DOCK3: variants seen among roughly 807,000 people sequenced by gnomAD.
DOCK3 encodes dedicator of cytokinesis 3.
DOCK3 carries 60 observed loss-of-function variants against 265.6 expected under a neutral mutation model. The ratio of observed to expected loss-of-function variants is 0.23; its 90% confidence interval spans 0.18 to 0.28. The LOEUF (loss-of-function observed/expected upper bound fraction) is 0.28. DOCK3 is among the 10% of genes least tolerant of loss of function. The pLI is 1.00. For missense variants in DOCK3, 1,981 were observed against 2,594.3 expected, an observed-to-expected ratio of 0.76 and a Z score of 5.14; for synonymous variants, 881 against 938.0, an observed-to-expected ratio of 0.94 and a Z score of 1.11.
chr3:51,224,360 A>G (rs1157662331), intron 14 of DOCK3, among the ~76,000 whole-genome samples: 1 of 152,196 alleles, frequency 6.6e-6, no homozygotes, highest in Non-Finnish European at 1.5e-5. Context: ...AAATCCTCAA[A>G]TATGTGCCAG....
Position 51,374,421 on chromosome 3 carries a change from C to T in DOCK3, c.5294-48C>T, listed in dbSNP as rs1220889191. The T allele has an allele frequency of 1.3e-6, 2 of 1,560,338 alleles. No individual in the cohort carries two copies. Among genetic ancestry groups the T allele is most frequent in the South Asian group, 1.2e-5 (1 of 86,172 alleles). Reference sequence around the variant, plus strand: ...TGAGGATGCTTGACTGCTGGACCCTCCATCTGTGGCTTGTCATCTGTGCTT... The same window carrying T: ...TGAGGATGCTTGACTGCTGGACCCTTCATCTGTGGCTTGTCATCTGTGCTT... On this transcript the variant is annotated intron_variant, in intron 49 of 52. Coordinates refer to ENST00000266037, the MANE Select transcript of DOCK3 (RefSeq NM_004947.5). The surrounding 1 kb of genome is among the most constrained non-coding windows in gnomAD (Gnocchi z 4.8).
intron 2 of DOCK3, chr3:50,788,108 G>A: frequency 1.3e-6 from 1 of 754,576 alleles, no homozygotes; most frequent in Non-Finnish European, 2.1e-6. Flanking sequence ...CACAAACACA[G>A]AATAAGGACT....
intron 27 of DOCK3, among the ~76,000 whole-genome samples, chr3:51,290,538 G>C (rs1353472616): frequency 1.3e-5 from 2 of 152,072 alleles, no homozygotes; most frequent in African/African-American, 4.8e-5. Flanking sequence ...CCTGTTGTGG[G>C]GTTGGGGGAG....
intron 12 of DOCK3, among the ~76,000 whole-genome samples, chr3:51,177,734 T>G (rs1289753696): frequency 6.6e-6 from 1 of 152,174 alleles, no homozygotes; most frequent in Non-Finnish European, 1.5e-5. Context: ...CTCACATCTG[T>G]AATCCCAGAA....
intron 5 of DOCK3, among the ~76,000 whole-genome samples, chr3:51,059,290 C>A (rs1460735855): frequency 6.6e-6 from 1 of 152,260 alleles, no homozygotes; most frequent in African/African-American, 2.4e-5. Context: ...CTAATTATCT[C>A]CCAAACAGTT....
intron 10 of DOCK3, among the ~76,000 whole-genome samples, chr3:51,151,786 T>C (rs909621904): frequency 8.5e-5 from 13 of 152,186 alleles, no homozygotes; most frequent in Non-Finnish European, 1.5e-4. Context: ...AAATTCTGGG[T>C]TGAAAATTCG....
chr3:50,716,025 T>G (rs1374970737), intron 1 of DOCK3, among the ~76,000 whole-genome samples: 1 of 152,130 alleles, frequency 6.6e-6, no homozygotes, highest in Non-Finnish European at 1.5e-5. Context: ...GCAAGATCAT[T>G]ATTCTTTGAA....
chr3:50,783,518 A>G (rs1472321807), intron 2 of DOCK3, among the ~76,000 whole-genome samples: 3 of 152,076 alleles, frequency 2.0e-5, no homozygotes, highest in Non-Finnish European at 4.4e-5. Context: ...TTGTGTATTC[A>G]TGTCCTTAGC....
intron 9 of DOCK3, among the ~76,000 whole-genome samples, chr3:51,145,316 T>C (rs1368355100): frequency 6.6e-6 from 1 of 152,130 alleles, no homozygotes; most frequent in African/African-American, 2.4e-5. Flanking sequence ...GCCATGTTGG[T>C]GTGCTGCACC....
chr3:51,376,916 C>T (rs550307004), intron 51 of DOCK3, among the ~76,000 whole-genome samples: 3 of 152,346 alleles, frequency 2.0e-5, no homozygotes, highest in Non-Finnish European at 4.4e-5. Flanking sequence ...GCTTCAAGGT[C>T]GTATATCCCG....
Position 50,675,082 on chromosome 3 carries a change from G to A in DOCK3, c.-182G>A, listed in dbSNP as rs922545786. The A allele has an allele frequency of 3.3e-5, 8 of 239,618 alleles. No individual in the cohort carries two copies. Among genetic ancestry groups the A allele is most frequent in the African/African-American group, 4.7e-5 (2 of 42,752 alleles). The allele number at this position is 239,618 out of a possible 1,614,324, so 14.8% of individuals were successfully genotyped here. Reference sequence around the variant, plus strand: ...GCTGGGCCACCCGCGGAGCCTCGCGGTCCAGACGTGGCGGGGGTGGCGGCG... The same window carrying A: ...GCTGGGCCACCCGCGGAGCCTCGCGATCCAGACGTGGCGGGGGTGGCGGCG... On this transcript the variant is annotated 5_prime_UTR_variant, in exon 1 of 53. Transcript: ENST00000266037. The surrounding 1 kb of genome is among the most constrained non-coding windows in gnomAD (Gnocchi z 6.1).
At chr3:50,807,822 C>T (rs889097241) in intron 2 of DOCK3, among the ~76,000 whole-genome samples, 1 of 152,186 alleles carries the variant, frequency 6.6e-6, no homozygotes, top group Non-Finnish European at 1.5e-5. Flanking sequence ...AATCACAGCT[C>T]ACTGTAGCCT....
intron 5 of DOCK3, among the ~76,000 whole-genome samples, chr3:51,002,286 C>T (rs575069782): frequency 2.6e-5 from 4 of 152,076 alleles, no homozygotes; most frequent in Non-Finnish European, 5.9e-5. Context: ...TGAAGTGTCT[C>T]GTTTTAAAAT....
chr3:51,071,669 C>T (rs1328114945), intron 6 of DOCK3, among the ~76,000 whole-genome samples: 1 of 152,156 alleles, frequency 6.6e-6, no homozygotes, highest in Non-Finnish European at 1.5e-5. Context: ...TGGTGGTATA[C>T]CCAAGATACA....
chr3:50,903,046 G>GCCTA (rs1377585359), intron 4 of DOCK3, among the ~76,000 whole-genome samples: 1 of 152,188 alleles, frequency 6.6e-6, no homozygotes, highest in Non-Finnish European at 1.5e-5. Flanking sequence ...TGCCGATGTG[G>GCCTA]CCTATCAGCT....
chr3:50,751,784 G>T (rs1222941891), intron 1 of DOCK3, among the ~76,000 whole-genome samples: 1 of 152,158 alleles, frequency 6.6e-6, no homozygotes, highest in East Asian at 1.9e-4. Flanking sequence ...GGCTGGGGAG[G>T]CCTTAGGAAA....
At chr3:50,920,318 G>T (rs765326245) in intron 4 of DOCK3, among the ~76,000 whole-genome samples, 22 of 152,156 alleles carry the variant, frequency 1.4e-4, no homozygotes, top group Non-Finnish European at 2.9e-4. Context: ...GTTTCAGAAG[G>T]AATGGTACCA....
intron 6 of DOCK3, among the ~76,000 whole-genome samples, chr3:51,072,500 C>T (rs943878546): frequency 3.9e-5 from 6 of 152,166 alleles, no homozygotes; most frequent in Middle Eastern, 3.4e-3. Context: ...CCACCGCCTC[C>T]TGGTTTCAAG....
Position 51,030,007 on chromosome 3 carries a change from G to A in DOCK3, c.316-34441G>A, listed in dbSNP as rs141023744. On this transcript the variant is annotated intron_variant, in intron 5 of 52. Coordinates refer to ENST00000266037, the MANE Select transcript of DOCK3 (RefSeq NM_004947.5). Reference sequence around the variant, plus strand: ...GGCCAGAGGCGCTCTCCAGCAGTTTGGCAGTAAGCAGATTATCAGAGGGGG... The same window carrying A: ...GGCCAGAGGCGCTCTCCAGCAGTTTAGCAGTAAGCAGATTATCAGAGGGGG... 3.9e-5 allele frequency among the ~76,000 whole-genome samples: 6 copies of A among 152,182 alleles called. No homozygotes were observed. The East Asian group carries it at 1.2e-3, about 29-fold the overall frequency.
Sources: gnomAD v4.1 joint callset for allele counts (sites outside exome capture counted in the v4.1 genomes callset) on GRCh38, gnomAD v4.1.1 for gene constraint, Gnocchi (gnomAD v3.1) non-coding constraint, MANE v1.5 for transcripts, NCBI Gene and HGNC (gene_info 2026-07-23, HGNC 2026-07-21) for gene names.